The following CCDC171 variants were observed in gnomAD, a reference collection of about 807,000 sequenced individuals.
CCDC171 encodes coiled-coil domain containing 171.
In CCDC171, 177 loss-of-function variants were observed where a neutral mutation model predicts 168.2. The ratio of observed to expected loss-of-function variants is 1.05; its 90% confidence interval spans 0.93 to 1.19. The LOEUF is 1.19. Ranked by LOEUF, CCDC171 falls within the 50% of genes most tolerant of loss-of-function variation. CCDC171 has a pLI of 0.00. For synonymous variants in CCDC171, 687 were observed against 540.8 expected (o/e 1.27, Z -3.75); for missense variants, 1,991 against 1,539.0 (o/e 1.29, Z -4.91).
chr9:15,646,586 G>A (rs2047059542), intron 7 of CCDC171, among the ~76,000 whole-genome samples: 1 of 151,864 alleles, frequency 6.6e-6, no homozygotes, highest in African/African-American at 2.4e-5. Flanking sequence ...AAGAAAAAAA[G>A]TGGGGGTTGT....
chr9:15,853,747 T>A (rs190624916), intron 23 of CCDC171, among the ~76,000 whole-genome samples: 2 of 151,718 alleles, frequency 1.3e-5, no homozygotes, highest in Admixed American at 6.6e-5. Context: ...TAGATCCTCT[T>A]TATCAGTTTG....
At chr9:15,760,721 A>G (rs2056396404) in intron 18 of CCDC171, among the ~76,000 whole-genome samples, 1 of 152,156 alleles carries the variant, frequency 6.6e-6, no homozygotes, top group South Asian at 2.1e-4. Context: ...AATAGCTTGA[A>G]TTCAATGCGT....
intron 21 of CCDC171, among the ~76,000 whole-genome samples, chr9:15,824,237 A>G (rs1015902740): frequency 6.6e-6 from 1 of 152,080 alleles, no homozygotes; most frequent in South Asian, 2.1e-4. Flanking sequence ...TCTACAGTTT[A>G]TGTAAATAAA....
chr9:15,777,442 A>G (rs1448307349), intron 18 of CCDC171, among the ~76,000 whole-genome samples, 158 bp from the exon 19 acceptor site: 1 of 152,018 alleles, frequency 6.6e-6, no homozygotes, highest in Non-Finnish European at 1.5e-5. Flanking sequence ...CCTTTTTTTC[A>G]TAGTGAAAAT....
At chr9:15,949,971 A>G (rs1364195224) in intron 25 of CCDC171, among the ~76,000 whole-genome samples, 2 of 152,092 alleles carry the variant, frequency 1.3e-5, no homozygotes, top group African/African-American at 4.8e-5. Flanking sequence ...TTATTTTGAG[A>G]TACGTCCCAT....
rs545718631 is a variant in CCDC171 at position 15,830,811 on chromosome 9, A to C, written c.3268-15891A>C. Among the ~76,000 whole-genome samples, 7 of 152,284 alleles carry C rather than the reference A, an allele frequency of 4.6e-5. No individual in the cohort carries two copies. In the East Asian group the frequency reaches 1.2e-3, roughly 25 times the overall value. On this transcript the variant is annotated intron_variant, in intron 21 of 25. Transcript: ENST00000380701. ...AGAGTGGTTAGAATCTTAATTGCTT[A>C]AGAATTGTTAGAATCTTAAATATTT...
intron 6 of CCDC171, among the ~76,000 whole-genome samples, chr9:16,025,615 G>A (rs1833261592): frequency 6.6e-6 from 1 of 152,198 alleles, no homozygotes; most frequent in Non-Finnish European, 1.5e-5. Flanking sequence ...GCCATTAAAA[G>A]TAATGAAGCA....
chr9:15,679,857 T>C (rs1322792762), intron 10 of CCDC171, among the ~76,000 whole-genome samples: 4 of 152,160 alleles, frequency 2.6e-5, no homozygotes, highest in Admixed American at 2.6e-4. Flanking sequence ...TAAACACATC[T>C]TTTCATATAT....
At chr9:15,787,089 G>A (rs768628530) in intron 21 of CCDC171, among the ~76,000 whole-genome samples, 1 of 152,038 alleles carries the variant, frequency 6.6e-6, no homozygotes, top group Non-Finnish European at 1.5e-5. Context: ...AATTCTTTTG[G>A]ATGTATATTT....
intron 9 of CCDC171, among the ~76,000 whole-genome samples, chr9:15,671,851 C>T (rs1587868736): frequency 6.6e-6 from 1 of 152,126 alleles, no homozygotes; most frequent in African/African-American, 2.4e-5. Flanking sequence ...GATTTATAAT[C>T]CTTTGGGTAT....
intron 11 of CCDC171, among the ~76,000 whole-genome samples, chr9:15,708,836 A>G (rs1354925533): frequency 6.6e-6 from 1 of 152,218 alleles, no homozygotes; most frequent in Non-Finnish European, 1.5e-5. Context: ...GTGTACACTC[A>G]TGTAGCTTCA....
intron 20 of CCDC171, among the ~76,000 whole-genome samples, chr9:15,784,212 T>C (rs1011061817): frequency 1.3e-5 from 2 of 152,146 alleles, no homozygotes; most frequent in Non-Finnish European, 2.9e-5. Flanking sequence ...ATAATCTTTA[T>C]AAAAAGTGCT....
intron 20 of CCDC171, among the ~76,000 whole-genome samples, chr9:15,781,866 C>A (rs571982162): frequency 1.8e-4 from 28 of 152,274 alleles, no homozygotes; most frequent in African/African-American, 5.8e-4. Context: ...ATCTCACATA[C>A]TATTATTATT....
intron 25 of CCDC171, among the ~76,000 whole-genome samples, chr9:15,952,979 T>A (rs573692074): frequency 1.3e-5 from 2 of 152,312 alleles, no homozygotes; most frequent in East Asian, 3.9e-4. Context: ...GCTTTTCATA[T>A]CATTTATTGT....
intron 18 of CCDC171, among the ~76,000 whole-genome samples, chr9:15,772,375 CT>C (rs147003534): frequency 0.017 from 2,651 of 151,868 alleles, 92 homozygotes; most frequent in African/African-American, 0.061. Context: ...GTTTTCTGGG[CT>C]GTTTTGCCCA....
At chr9:15,624,738 G>A (rs1258934286) in intron 7 of CCDC171, among the ~76,000 whole-genome samples, 1 of 152,128 alleles carries the variant, frequency 6.6e-6, no homozygotes, top group Non-Finnish European at 1.5e-5. Flanking sequence ...TTGGTTCCAA[G>A]TCTTTGCTAT....
At position 15,918,901 on chromosome 9, in the gene CCDC171, A is replaced by C. The variant is rs371157836; in HGVS notation, c.3601-1369A>C. ...CAACTTATGGTTTTTATCTTTTCTAATTTTTCATCCATTCATTCTTCAAAG... is the reference window on the plus strand; with the variant it reads ...CAACTTATGGTTTTTATCTTTTCTACTTTTTCATCCATTCATTCTTCAAAG... On this transcript the variant is annotated intron_variant, in intron 24 of 25. Transcript: ENST00000380701. Among the ~76,000 whole-genome samples, 4 of 151,452 alleles carry C rather than the reference A, an allele frequency of 2.6e-5. No homozygotes were observed. The East Asian group carries it at 7.7e-4, about 29-fold the overall frequency.
intron 3 of CCDC171, among the ~76,000 whole-genome samples, chr9:15,989,275 TC>T (rs200607297): frequency 0.027 from 4,037 of 152,218 alleles, 163 homozygotes; most frequent in African/African-American, 0.09. Context: ...TCAGCAATAC[TC>T]ACTATTCTGC....
intron 3 of CCDC171, among the ~76,000 whole-genome samples, chr9:15,981,718 T>G (rs1589293973): frequency 1.3e-5 from 2 of 152,312 alleles, no homozygotes; most frequent in East Asian, 3.9e-4. Flanking sequence ...AACAATGTCT[T>G]ACCTTTTCTT....
Sources: allele counts gnomAD v4.1 joint callset (sites outside exome capture counted in the v4.1 genomes callset), GRCh38; gene constraint gnomAD v4.1.1; transcripts MANE v1.5; gene names NCBI Gene and HGNC (gene_info 2026-07-23, HGNC 2026-07-21).